The following ZNF341 variants were observed in gnomAD, a reference collection of about 807,000 sequenced individuals.
The protein encoded by ZNF341 is zinc finger protein 341.
Under a neutral mutation model 87.7 loss-of-function variants are expected in ZNF341, and 52 were observed. That is an observed-to-expected ratio of 0.59 (90% confidence interval 0.47 to 0.75). The LOEUF (loss-of-function observed/expected upper bound fraction) is 0.75, where lower values mean the gene tolerates loss of function less well. ZNF341 is among the 30% of genes least tolerant of loss of function. ZNF341 has a pLI of 0.00. For missense variants in ZNF341, 977 were observed against 1,145.9 expected, an observed-to-expected ratio of 0.85 and a Z score of 2.13; for synonymous variants, 459 against 472.7, an observed-to-expected ratio of 0.97 and a Z score of 0.38.
At chr20:33,758,375 G>A (rs1004810705) in intron 6 of ZNF341, among the ~76,000 whole-genome samples, 1 of 152,192 alleles carries the variant, frequency 6.6e-6, no homozygotes, top group Non-Finnish European at 1.5e-5. Flanking sequence ...AGGTTAGCAA[G>A]GTTAGCTAGG....
intron 11 of ZNF341, 100 bp downstream of exon 11, chr20:33,781,487 T>C (rs890239858): frequency 5.5e-6 from 6 of 1,081,552 alleles, no homozygotes; most frequent in African/African-American, 1.6e-5. Flanking sequence ...TCTCTCACCA[T>C]AGGACACGCA....
chr20:33,744,606 T>C (rs1260444838), intron 2 of ZNF341, among the ~76,000 whole-genome samples: 3 of 152,150 alleles, frequency 2.0e-5, no homozygotes, highest in Non-Finnish European at 4.4e-5. Flanking sequence ...TTTTTCTTTT[T>C]TTTGAGATGG....
chr20:33,741,628 C>T lies in ZNF341; in HGVS notation c.142+616C>T, dbSNP rs529826099. 3.3e-5 allele frequency among the ~76,000 whole-genome samples: 5 copies of T among 152,246 alleles called. No individual in the cohort carries two copies. In the East Asian group the frequency reaches 5.8e-4, roughly 18 times the overall value. ...CCATGTTGGCCAGGCTGGTCTCAAA[C>T]GCCTGACCTAAGGTGATCTGCTCAC... is the stretch of plus-strand genomic sequence containing the variant. On this transcript the variant is annotated intron_variant, in intron 2 of 14. Coordinates refer to ENST00000375200, the MANE Select transcript of ZNF341 (RefSeq NM_001282933.2).
intron 1 of ZNF341, among the ~76,000 whole-genome samples, chr20:33,740,111 G>A (rs1364880200): frequency 1.3e-5 from 2 of 152,144 alleles, no homozygotes; most frequent in Non-Finnish European, 2.9e-5. Context: ...TGCTCTGCCC[G>A]CCTTGGCCAC....
chr20:33,755,283 G>A (rs1301325413), intron 5 of ZNF341, among the ~76,000 whole-genome samples: 1 of 151,928 alleles, frequency 6.6e-6, no homozygotes, highest in Non-Finnish European at 1.5e-5. Flanking sequence ...GTCAGGGTTT[G>A]GTCAGGAAAA....
At chr20:33,734,229 T>TC (rs1161840390) in intron 1 of ZNF341, among the ~76,000 whole-genome samples, 1 of 152,238 alleles carries the variant, frequency 6.6e-6, no homozygotes, top group Admixed American at 6.5e-5. Flanking sequence ...CTCCTGGGAT[T>TC]CACAGAAGCT....
Position 33,762,075 on chromosome 20 carries a change from G to T in ZNF341, c.1222+20G>T. 6.6e-7 allele frequency: 1 copy of T among 1,506,364 alleles called. No individual in the cohort carries two copies. Among genetic ancestry groups the T allele is most frequent in the Non-Finnish European group, 9.0e-7 (1 of 1,110,088 alleles). The allele number at this position is 1,506,364 out of a possible 1,614,324, so 93.3% of individuals were successfully genotyped here. A position where few individuals can be genotyped will look rare whatever the true frequency, so the allele number is the denominator to read the frequency against. On this transcript the variant is annotated intron_variant, in intron 8 of 14. Coordinates refer to ENST00000375200, the MANE Select transcript of ZNF341 (RefSeq NM_001282933.2). The stretch of plus-strand genomic sequence containing the variant: ...GCACAGGTGGGTGGAAGTAGGGAAC[G>T]CCATGCTTCCCACACCTCTCTTCTG...
At chr20:33,784,583 C>T (rs1291524872) in intron 12 of ZNF341, among the ~76,000 whole-genome samples, 1 of 147,462 alleles carries the variant, frequency 6.8e-6, no homozygotes, top group Non-Finnish European at 1.5e-5. Flanking sequence ...AGAGAAGAGC[C>T]CCTGGAGGTT....
At chr20:33,781,013 G>A (rs2019730778) in intron 10 of ZNF341, among the ~76,000 whole-genome samples, 1 of 152,110 alleles carries the variant, frequency 6.6e-6, no homozygotes, top group Non-Finnish European at 1.5e-5. Flanking sequence ...TGCTCAGCCT[G>A]TTTCATTTTT....
Position 33,747,998 on chromosome 20 carries a change from A to G in ZNF341, c.340-925A>G, listed in dbSNP as rs143265804. 1.8e-3 allele frequency among the ~76,000 whole-genome samples: 268 copies of G among 151,304 alleles called. 1 individual carries two copies. Among genetic ancestry groups the G allele is most frequent in the African/African-American group, 6.3e-3 (258 of 41,268 alleles). ...CATGAGCCACCGTGCCACACCAGAT[A>G]TTCTTCTTGACCTAAGATACTTGTG... On this transcript the variant is annotated intron_variant, in intron 3 of 14. Coordinates refer to ENST00000375200, the MANE Select transcript of ZNF341 (RefSeq NM_001282933.2).
chr20:33,732,231 G>A lies in ZNF341; in HGVS notation c.31+179G>A, dbSNP rs965579843. 1.3e-5 allele frequency among the ~76,000 whole-genome samples: 2 copies of A among 149,996 alleles called. No individual in the cohort carries two copies. The highest frequency in any genetic ancestry group is 4.9e-5 in the African/African-American group (2 of 41,120). On this transcript the variant is annotated intron_variant, in intron 1 of 14. Coordinates refer to ENST00000375200, the MANE Select transcript of ZNF341 (RefSeq NM_001282933.2). This position sits in a 1 kb window ranked among gnomAD's most constrained non-coding sequence, Gnocchi z 4.5. ...CAGCGCGGGAGCCGAGGCCCGGCGGGGGAGCTCCGGGGCCGGAACAGCCGG... is the reference window on the plus strand; with the variant it reads ...CAGCGCGGGAGCCGAGGCCCGGCGGAGGAGCTCCGGGGCCGGAACAGCCGG...
chr20:33,746,909 A>ATGTCAGGAGTTCAGCTGGGCACG (rs2018938263), intron 3 of ZNF341, among the ~76,000 whole-genome samples: 2 of 152,130 alleles, frequency 1.3e-5, no homozygotes, highest in South Asian at 4.1e-4. Flanking sequence ...TTTTGGGGGG[A>ATGTCAGGAGTTCAGCTGGGCACG]TGTCAGGAGT....
intron 2 of ZNF341, among the ~76,000 whole-genome samples, chr20:33,743,124 T>C (rs2747546): frequency 0.37 from 55,268 of 150,590 alleles, 12,249 homozygotes; most frequent in East Asian, 0.69. Flanking sequence ...CTCTGTCTCC[T>C]GGGTTCAAGT....
At chr20:33,769,780 G>A (rs2019485081) in intron 9 of ZNF341, among the ~76,000 whole-genome samples, 1 of 152,182 alleles carries the variant, frequency 6.6e-6, no homozygotes, top group Admixed American at 6.5e-5. Flanking sequence ...GCATGGTGGT[G>A]TGCACCTGTA....
chr20:33,756,337 G>C (rs2019177469), intron 5 of ZNF341, among the ~76,000 whole-genome samples: 1 of 151,416 alleles, frequency 6.6e-6, no homozygotes, highest in South Asian at 2.1e-4. Flanking sequence ...GGGGAGCACA[G>C]ACCCCTCTGA....
chr20:33,781,852 G>T (rs1601287115), intron 11 of ZNF341, among the ~76,000 whole-genome samples: 2 of 151,898 alleles, frequency 1.3e-5, no homozygotes, highest in East Asian at 3.9e-4. Context: ...GCTAATTTTT[G>T]TATTTTTTAT....
chr20:33,733,166 C>T (rs1171357888), intron 1 of ZNF341, among the ~76,000 whole-genome samples: 2 of 151,164 alleles, frequency 1.3e-5, no homozygotes. Flanking sequence ...CGTGCCTCCG[C>T]CTCCTGAGTA....
chr20:33,788,695 C>T (rs2019926359), intron 12 of ZNF341, 168 bp from the exon 13 acceptor site: 1 of 686,388 alleles, frequency 1.5e-6, no homozygotes, highest in South Asian at 1.5e-5. Flanking sequence ...CAAAATAGCC[C>T]TGTCTTGTCT....
In ZNF341 at chr20:33,747,632, A is replaced by C. The variant is rs1479152531; in HGVS notation, c.340-1291A>C. On this transcript the variant is annotated intron_variant, in intron 3 of 14. Coordinates refer to ENST00000375200, the MANE Select transcript of ZNF341 (RefSeq NM_001282933.2). ...TCCGTCTCAAAAAAAAAAAAAAAAAAAAAAAAAAAACACAGTCATTTTTCT... is the reference window on the plus strand; with the variant it reads ...TCCGTCTCAAAAAAAAAAAAAAAAACAAAAAAAAAACACAGTCATTTTTCT... Among the ~76,000 whole-genome samples the C allele has an allele frequency of 5.4e-4, 72 of 132,602 alleles. 8 individuals carry two copies. Among genetic ancestry groups the C allele is most frequent in the African/African-American group, 2.4e-3 (62 of 26,178 alleles). The allele number at this position is 132,602 out of a possible 152,430, so 87.0% of individuals were successfully genotyped here.
Sources: gnomAD v4.1 joint callset for allele counts (sites outside exome capture counted in the v4.1 genomes callset) on GRCh38, gnomAD v4.1.1 for gene constraint, Gnocchi (gnomAD v3.1) non-coding constraint, MANE v1.5 for transcripts, NCBI Gene and HGNC (gene_info 2026-07-23, HGNC 2026-07-21) for gene names.